The following DAB2 variants were observed in gnomAD, a reference collection of about 807,000 sequenced individuals.
DAB2 encodes disabled homolog 2.
Under a neutral mutation model 71.6 loss-of-function variants are expected in DAB2, and 28 were observed. The ratio of observed to expected loss-of-function variants is 0.39; its 90% confidence interval spans 0.29 to 0.54. DAB2 has a LOEUF of 0.54. Among genes scored for constraint, DAB2 ranks in the 20% least tolerant of loss-of-function variants. DAB2 has a pLI of 0.68. For missense variants in DAB2, 867 were observed against 928.8 expected (o/e 0.93, Z 0.86); for synonymous variants, 345 against 339.7 (o/e 1.02, Z -0.17).
chr5:39,374,471 A>C (rs1028209077), intron 14 of DAB2, among the ~76,000 whole-genome samples: 3 of 152,190 alleles, frequency 2.0e-5, no homozygotes, highest in Non-Finnish European at 4.4e-5. Context: ...TTGAGCTCCT[A>C]CTGCCTATGA....
chr5:39,416,874 A>C (rs1755860396), intron 1 of DAB2, among the ~76,000 whole-genome samples: 1 of 152,140 alleles, frequency 6.6e-6, no homozygotes, highest in South Asian at 2.1e-4. Context: ...AGGGGTAATA[A>C]ATATTTCTTT....
chr5:39,378,776 C>T (rs1372682301), intron 11 of DAB2, among the ~76,000 whole-genome samples: 1 of 152,148 alleles, frequency 6.6e-6, no homozygotes, highest in Non-Finnish European at 1.5e-5. Flanking sequence ...AATCCGGCAC[C>T]CCATTCTCCT....
intron 7 of DAB2, 30 bp downstream of exon 7, chr5:39,389,067 G>T (rs1352976029): frequency 6.2e-7 from 1 of 1,608,798 alleles, no homozygotes; most frequent in South Asian, 1.1e-5. Flanking sequence ...TCACACACAT[G>T]ATTAACAAGA....
intron 1 of DAB2, among the ~76,000 whole-genome samples, chr5:39,407,900 A>G (rs1453155549): frequency 4.6e-5 from 7 of 152,190 alleles, no homozygotes; most frequent in Admixed American, 4.6e-4. Flanking sequence ...TATATACCAC[A>G]CCAGGGCACT....
At chr5:39,399,368 G>C (rs73752509) in intron 1 of DAB2, among the ~76,000 whole-genome samples, 2,339 of 152,268 alleles carry the variant, frequency 0.015, 64 homozygotes, top group African/African-American at 0.053. Context: ...TTGTTATCCT[G>C]GTTCTCAGGG....
intron 1 of DAB2, among the ~76,000 whole-genome samples, chr5:39,403,839 T>A (rs1409816336): frequency 1.3e-5 from 2 of 152,154 alleles, no homozygotes; most frequent in Admixed American, 1.3e-4. Context: ...TTGTTTTTTT[T>A]AATAACTTGT....
At position 39,395,937 on chromosome 5, in the gene DAB2, C is replaced by CTTTTTTTTTTTTTTTT. The variant is rs3024228; in HGVS notation, c.-101-1532_-101-1517dup. The stretch of plus-strand genomic sequence containing the variant: ...GAGGGAAGGCTAAGACACAGATATT[C>CTTTTTTTTTTTTTTTT]TTTTTTTTTTTTTTTTTTTTTTTGA... On this transcript the variant is annotated intron_variant, in intron 1 of 14. Coordinates refer to ENST00000320816, the MANE Select transcript of DAB2 (RefSeq NM_001343.4). 3.9e-4 allele frequency among the ~76,000 whole-genome samples: 29 copies of CTTTTTTTTTTTTTTTT among 74,858 alleles called. 8 individuals are homozygous for CTTTTTTTTTTTTTTTT. Among genetic ancestry groups the CTTTTTTTTTTTTTTTT allele is most frequent in the East Asian group, 8.4e-4 (2 of 2,380 alleles). The allele number at this position is 74,858 out of a possible 152,430, so 49.1% of individuals were successfully genotyped here. A position where few individuals can be genotyped will look rare whatever the true frequency, so the allele number is the denominator to read the frequency against.
chr5:39,400,056 T>C (rs1755460707), intron 1 of DAB2, among the ~76,000 whole-genome samples: 1 of 152,174 alleles, frequency 6.6e-6, no homozygotes, highest in South Asian at 2.1e-4. Context: ...GAAAAGTGCT[T>C]TGCCAGTCTC....
At position 39,389,120 on chromosome 5, in the gene DAB2, C is replaced by T. The variant is rs761484903; in HGVS notation, c.547G>A (p.Glu183Lys). Residue 183 changes from glutamate (E) to lysine (K), a missense_variant, in exon 7 of 15, where the codon GAG (glutamate) becomes AAG (lysine). Coordinates refer to ENST00000320816, the MANE Select transcript of DAB2 (RefSeq NM_001343.4). ...KKKEEEKKKI[E>K]EASKAVENGS... is the part of the protein sequence containing the mutation. ...ACCTCAACTGCTTTGCTGGCTTCCT[C>T]TATCTAAAAAGAAAGATACATATTC... is the stretch of plus-strand genomic sequence containing the variant. The T allele has an allele frequency of 6.2e-7, 1 of 1,611,986 alleles. No homozygotes were observed. Among genetic ancestry groups the T allele is most frequent in the East Asian group, 2.2e-5 (1 of 44,846 alleles).
intron 9 of DAB2, among the ~76,000 whole-genome samples, chr5:39,386,707 T>C (rs1755106022): frequency 6.6e-6 from 1 of 152,242 alleles, no homozygotes; most frequent in African/African-American, 2.4e-5. Flanking sequence ...AAGTAGATTA[T>C]ATAGGCAGTA....
chr5:39,392,292 G>A, intron 4 of DAB2, 73 bp downstream of exon 4: 1 of 1,096,824 alleles, frequency 9.1e-7, no homozygotes, highest in Non-Finnish European at 1.4e-6. Flanking sequence ...AAGAAGGGGA[G>A]CCGAAATTCA....
chr5:39,387,648 T>C (rs1755128379), intron 9 of DAB2: 2 of 152,170 alleles, frequency 1.3e-5, no homozygotes, highest in Admixed American at 1.3e-4. Context: ...GTCTGAAGAC[T>C]TGGGCCTAAG....
Position 39,394,417 on chromosome 5 carries a change from GACAC to G in DAB2, c.-101_-98del. On this transcript the variant is annotated splice_region_variant and 5_prime_UTR_variant, in exon 2 of 15. Coordinates refer to ENST00000320816, the MANE Select transcript of DAB2 (RefSeq NM_001343.4). ...TCTCAAATAAACATAACCTCCCACA[GACAC>G]CTGTAGGCAGAGTTTAGAGGCATAT... 3 of 896,112 alleles carry G rather than the reference GACAC, an allele frequency of 3.3e-6. No homozygotes were observed. The highest frequency in any genetic ancestry group is 3.7e-6 in the Non-Finnish European group (2 of 534,062). The allele number at this position is 896,112 out of a possible 1,614,324, so 55.5% of individuals were successfully genotyped here.
chr5:39,401,103 T>C (rs1304158202), intron 1 of DAB2, among the ~76,000 whole-genome samples: 1 of 152,236 alleles, frequency 6.6e-6, no homozygotes, highest in Non-Finnish European at 1.5e-5. Flanking sequence ...TTTTGGATTC[T>C]TATGCTTTTA....
chr5:39,409,426 C>G (rs994573722), intron 1 of DAB2, among the ~76,000 whole-genome samples: 2 of 152,118 alleles, frequency 1.3e-5, no homozygotes, highest in Admixed American at 6.6e-5. Context: ...ATTGAAATAT[C>G]TGTATACAGT....
At chr5:39,388,941 G>A (rs758111801) in intron 7 of DAB2, 89 bp from the exon 8 acceptor site, 8 of 1,335,302 alleles carry the variant, frequency 6.0e-6, no homozygotes, top group Non-Finnish European at 8.6e-6. Flanking sequence ...AGCAGCAATG[G>A]TTTTGGTATC....
chr5:39,419,569 T>C, intron 1 of DAB2, among the ~76,000 whole-genome samples: 1 of 152,224 alleles, frequency 6.6e-6, no homozygotes, highest in African/African-American at 2.4e-5. Flanking sequence ...GACTCATTTA[T>C]GGAGAGGACT....
At chr5:39,404,025 A>G (rs1239010354) in intron 1 of DAB2, among the ~76,000 whole-genome samples, 1 of 151,936 alleles carries the variant, frequency 6.6e-6, no homozygotes, top group Non-Finnish European at 1.5e-5. Context: ...CCAGTCTATC[A>G]TTGTTGGACA....
In DAB2 at chr5:39,422,870, T is replaced by C. The variant is rs1034790500; in HGVS notation, c.-102+1934A>G. On this transcript the variant is annotated intron_variant, in intron 1 of 14. Coordinates refer to ENST00000320816, the MANE Select transcript of DAB2 (RefSeq NM_001343.4). The surrounding 1 kb of genome is among the most constrained non-coding windows in gnomAD (Gnocchi z 4.1). ...ACAGGAATTTGGACTTCCAGTTTAA[T>C]CTGAAACTATAAAAGTCTTTAGCAG... Among the ~76,000 whole-genome samples the C allele has an allele frequency of 6.6e-6, 1 of 152,212 alleles. No homozygotes were observed. The highest frequency in any genetic ancestry group is 2.4e-5 in the African/African-American group (1 of 41,450).
Sources: allele counts gnomAD v4.1 joint callset (sites outside exome capture counted in the v4.1 genomes callset), GRCh38; gene constraint gnomAD v4.1.1; non-coding constraint Gnocchi (gnomAD v3.1); transcripts MANE v1.5; gene names NCBI Gene and HGNC (gene_info 2026-07-23, HGNC 2026-07-21).